COX7B: variants seen among roughly 807,000 people sequenced by gnomAD.
The protein encoded by COX7B is cytochrome c oxidase subunit 7B.
In COX7B, 2 loss-of-function variants were observed where a neutral mutation model predicts 7.9. That is an observed-to-expected ratio of 0.25 (90% CI 0.10 to 0.79). The LOEUF (loss-of-function observed/expected upper bound fraction) is 0.79, where lower values mean the gene tolerates loss of function less well. Ranked by LOEUF, COX7B falls within the 30% of genes least tolerant of loss-of-function variation. The probability of loss-of-function intolerance (pLI) is 0.69; values close to 1 mark genes in which losing one functional copy is unlikely to be tolerated. For missense variants in COX7B, 54 were observed against 62.7 expected, an observed-to-expected ratio of 0.86 and a Z score of 0.47; for synonymous variants, 19 against 21.1, an observed-to-expected ratio of 0.90 and a Z score of 0.27.
At chrX:77,904,158 T>C (rs1480379699) in intron 2 of COX7B, among the ~76,000 whole-genome samples, 1 of 106,460 alleles carries the variant, frequency 9.4e-6, no homozygotes, top group Non-Finnish European at 1.9e-5. Context: ...GGTCTCGATC[T>C]CCTGACCTCG....
At chrX:77,903,809 A>C (rs1174265634) in intron 2 of COX7B, among the ~76,000 whole-genome samples, 1 of 111,160 alleles carries the variant, frequency 9.0e-6, no homozygotes, top group African/African-American at 3.3e-5. Flanking sequence ...GATGAGATGT[A>C]ATGTATCTTT....
At position 77,899,524 on chromosome X, in the gene COX7B, T is replaced by C. The variant is rs1557220453; in HGVS notation, c.-30T>C. 8.3e-7 allele frequency: 1 copy of C among 1,210,677 alleles called. No individual in the cohort carries two copies. Among genetic ancestry groups the C allele is most frequent in the Non-Finnish European group, 1.1e-6 (1 of 894,643 alleles). The stretch of plus-strand genomic sequence containing the variant: ...CGAATTGGCACCAAAGCAGCAGCTG[T>C]ATTGCCGCAGTTCTAGCTTCACCTT... On this transcript the variant is annotated 5_prime_UTR_variant, in exon 1 of 3. Coordinates refer to ENST00000650309, the MANE Select transcript of COX7B (RefSeq NM_001866.3).
Position 77,906,567 on chromosome X carries a change from G to A in COX7B, c.*1306G>A, listed in dbSNP as rs1410931884. On this transcript the variant is annotated 3_prime_UTR_variant, in exon 3 of 3. Coordinates refer to ENST00000650309, the MANE Select transcript of COX7B (RefSeq NM_001866.3). Reference sequence around the variant, plus strand: ...TTTGGATTTGTGGATTATTATTTTAGTATATAACATTGGATTTTATGTATG... The same window carrying A: ...TTTGGATTTGTGGATTATTATTTTAATATATAACATTGGATTTTATGTATG... 1 of 112,180 alleles carries A rather than the reference G, an allele frequency of 8.9e-6. No homozygotes were observed. Among genetic ancestry groups the A allele is most frequent in the African/African-American group, 3.2e-5 (1 of 30,877 alleles). The allele number at this position is 112,180 out of a possible 1,213,427, so 9.2% of individuals were successfully genotyped here. A position where few individuals can be genotyped will look rare whatever the true frequency, so the allele number is the denominator to read the frequency against.
rs781818450 is a variant in COX7B at position 77,903,028 on chromosome X, G to GT, written c.165+276dup. The GT allele has an allele frequency of 0.078, 10,739 of 137,977 alleles. 8 individuals are homozygous for GT. Among genetic ancestry groups the GT allele is most frequent in the East Asian group, 0.11 (727 of 6,658 alleles). 11.4% of individuals were successfully genotyped at this position (137,977 alleles called of 1,213,427 possible). On this transcript the variant is annotated intron_variant, in intron 2 of 2. Transcript: ENST00000650309. ...TTGTGTAGCTGTTTTTTTTGTTTTTGTTTTTTTTTTTTTTTAAGAAGAAGT... is the reference window on the plus strand; with the variant it reads ...TTGTGTAGCTGTTTTTTTTGTTTTTGTTTTTTTTTTTTTTTTAAGAAGAAGT...
intron 1 of COX7B, among the ~76,000 whole-genome samples, chrX:77,901,131 A>G (rs1160330601): frequency 8.9e-6 from 1 of 112,097 alleles, no homozygotes; most frequent in Non-Finnish European, 1.9e-5. Context: ...AAAGATGAAA[A>G]GGGAAAGCTA....
intron 1 of COX7B, among the ~76,000 whole-genome samples, chrX:77,900,855 C>T (rs1460757701): frequency 3.6e-5 from 4 of 112,054 alleles, no homozygotes; most frequent in Non-Finnish European, 5.6e-5. Flanking sequence ...ATGAGATCAC[C>T]AATGTGTGGT....
intron 1 of COX7B, among the ~76,000 whole-genome samples, chrX:77,900,513 T>G (rs2077117872): frequency 8.9e-6 from 1 of 112,533 alleles, no homozygotes; most frequent in Non-Finnish European, 1.9e-5. Context: ...TTAATTTTCA[T>G]ACTTGATTTG....
intron 2 of COX7B, 93 bp from the exon 3 acceptor site, chrX:77,905,091 A>T: frequency 1.3e-6 from 1 of 745,299 alleles, no homozygotes; most frequent in Non-Finnish European, 2.1e-6. Context: ...TTTTTAACCT[A>T]TAGAACAGAA....
At position 77,900,411 on chromosome X, in the gene COX7B, G is replaced by A. The variant is rs782438813; in HGVS notation, c.40+818G>A. ...GTTAGCTGTCCTGAAGGCAATCGTG[G>A]TCATTTTTTTCTTATCCAAAGGTTG... On this transcript the variant is annotated intron_variant, in intron 1 of 2. Coordinates refer to ENST00000650309, the MANE Select transcript of COX7B (RefSeq NM_001866.3). 4.5e-5 allele frequency among the ~76,000 whole-genome samples: 5 copies of A among 112,266 alleles called. No individual in the cohort carries two copies. In the South Asian group the frequency reaches 1.5e-3, roughly 33 times the overall value.
At chrX:77,904,212 G>C (rs2077128689) in intron 2 of COX7B, among the ~76,000 whole-genome samples, 1 of 108,721 alleles carries the variant, frequency 9.2e-6, no homozygotes, top group Non-Finnish European at 1.9e-5. Flanking sequence ...GATTACAAGC[G>C]TGAGCCACTG....
intron 1 of COX7B, among the ~76,000 whole-genome samples, chrX:77,901,225 G>C (rs189939713): frequency 1.8e-5 from 2 of 109,857 alleles, no homozygotes; most frequent in East Asian, 5.7e-4. Context: ...TTCATTGCTA[G>C]TGAATGGGCA....
rs2077138303 is a variant in COX7B at position 77,907,363 on chromosome X, C to T, written c.*2102C>T. The T allele has an allele frequency of 8.9e-6, 1 of 111,952 alleles. No individual in the cohort carries two copies. Among genetic ancestry groups the T allele is most frequent in the Non-Finnish European group, 1.9e-5 (1 of 53,208 alleles). The allele number at this position is 111,952 out of a possible 1,213,427, so 9.2% of individuals were successfully genotyped here. A position where few individuals can be genotyped will look rare whatever the true frequency, so the allele number is the denominator to read the frequency against. ...AACATGTATTTAAGGAAGTGTCAAC[C>T]TTCAATTATATACCTTTTTGTCACT... is the stretch of plus-strand genomic sequence containing the variant. On this transcript the variant is annotated 3_prime_UTR_variant, in exon 3 of 3. Transcript: ENST00000650309.
rs181404646 is a variant in COX7B, at chrX:77,900,292, G to C, written c.40+699G>C. ...TGAGGCAAGAGAATCGCTTGTACCC[G>C]GGAGGCGGAGGTTGCAGTGAGCCAA... On this transcript the variant is annotated intron_variant, in intron 1 of 2. Coordinates refer to ENST00000650309, the MANE Select transcript of COX7B (RefSeq NM_001866.3). Among the ~76,000 whole-genome samples, 2,563 of 111,783 alleles carry C rather than the reference G, an allele frequency of 0.023. 205 individuals are homozygous for C. In the East Asian group the frequency reaches 0.38, roughly 16 times the overall value.
At chrX:77,901,750 A>G (rs1399271243) in intron 1 of COX7B, 1 of 110,195 alleles carries the variant, frequency 9.1e-6, no homozygotes, top group Non-Finnish European at 1.9e-5. Flanking sequence ...TTAGGGACAG[A>G]GAATTGCTCT....
chrX:77,903,382 C>T (rs1180241199), intron 2 of COX7B, among the ~76,000 whole-genome samples: 1 of 108,681 alleles, frequency 9.2e-6, no homozygotes, highest in African/African-American at 3.4e-5. Context: ...TTAGTAGAGA[C>T]GGGGTTTCAC....
chrX:77,904,755 GATACAGAGAATATAAA>G (rs1458750602), intron 2 of COX7B, among the ~76,000 whole-genome samples: 1 of 111,545 alleles, frequency 9.0e-6, no homozygotes, highest in Admixed American at 9.5e-5. Context: ...GTTCCTTAGT[GATACAGAGAATATAAA>G]ATACTCTGGC....
At chrX:77,900,391 C>T (rs782709240) in intron 1 of COX7B, among the ~76,000 whole-genome samples, 16 of 112,225 alleles carry the variant, frequency 1.4e-4, no homozygotes, top group Non-Finnish European at 2.6e-4. Flanking sequence ...ACAATGTTAG[C>T]TGTCCTGAAG....
chrX:77,899,714 C>A (rs2077115883), intron 1 of COX7B, 121 bp downstream of exon 1: 3 of 646,679 alleles, frequency 4.6e-6, no homozygotes, highest in Non-Finnish European at 7.3e-6. Context: ...TGTCTGTCTC[C>A]CATCTCGTCC....
rs1557221110 is a variant in COX7B at position 77,905,841 on chromosome X, C to G, written c.*580C>G. The G allele has an allele frequency of 2.7e-5, 3 of 111,121 alleles. No individual in the cohort carries two copies. The highest frequency in any genetic ancestry group is 9.8e-5 in the African/African-American group (3 of 30,503). 9.2% of individuals were successfully genotyped at this position (111,121 alleles called of 1,213,427 possible). A position where few individuals can be genotyped will look rare whatever the true frequency, so the allele number is the denominator to read the frequency against. ...CTAATTTTTGTATTTTTAGTAGAGA[C>G]GGGGTTTCACCATGTTGGTCAGGCT... On this transcript the variant is annotated 3_prime_UTR_variant, in exon 3 of 3. Coordinates refer to ENST00000650309, the MANE Select transcript of COX7B (RefSeq NM_001866.3).
Sources: allele counts gnomAD v4.1 joint callset (sites outside exome capture counted in the v4.1 genomes callset), GRCh38; gene constraint gnomAD v4.1.1; transcripts MANE v1.5; gene names NCBI Gene and HGNC (gene_info 2026-07-23, HGNC 2026-07-21).